Variants in ARHGEF18 observed in about 807,000 individuals in gnomAD.
ARHGEF18 encodes Rho/Rac guanine nucleotide exchange factor 18, also known as rho guanine nucleotide exchange factor 18.
In ARHGEF18, 93 loss-of-function variants were observed where a neutral mutation model predicts 155.7. The observed-to-expected ratio is 0.60, with a 90% confidence interval of 0.50 to 0.71. The LOEUF (loss-of-function observed/expected upper bound fraction) is 0.71, where lower values mean the gene tolerates loss of function less well. Ranked by LOEUF, ARHGEF18 falls within the 30% of genes least tolerant of loss-of-function variation. The pLI, the probability that ARHGEF18 is intolerant of heterozygous loss-of-function variation, is 0.00. For synonymous variants in ARHGEF18, 742 were observed against 753.1 expected, an observed-to-expected ratio of 0.99 and a Z score of 0.24; for missense variants, 1,593 against 1,816.1, an observed-to-expected ratio of 0.88 and a Z score of 2.23.
intron 1 of ARHGEF18, among the ~76,000 whole-genome samples, chr19:7,361,449 T>G (rs771101383): frequency 6.6e-6 from 1 of 151,944 alleles, no homozygotes; most frequent in Admixed American, 6.6e-5. Flanking sequence ...AAAAAGAGAC[T>G]GCATAACAGC....
At chr19:7,353,161 C>A (rs1426733413) in intron 1 of ARHGEF18, among the ~76,000 whole-genome samples, 1 of 151,660 alleles carries the variant, frequency 6.6e-6, no homozygotes, top group Non-Finnish European at 1.5e-5. Flanking sequence ...TTTCCAGGGC[C>A]GTGATTCTTC....
rs1388575030 is a variant in ARHGEF18, at chr19:7,470,748, A to G, written c.*450A>G. 7 of 400,852 alleles carry G rather than the reference A, an allele frequency of 1.7e-5. No homozygotes were observed. The highest frequency in any genetic ancestry group is 1.3e-4 in the Admixed American group (3 of 22,708). The allele number at this position is 400,852 out of a possible 1,614,324, so 24.8% of individuals were successfully genotyped here. A position where few individuals can be genotyped will look rare whatever the true frequency, so the allele number is the denominator to read the frequency against. On this transcript the variant is annotated 3_prime_UTR_variant, in exon 29 of 29. Coordinates refer to ENST00000668164, the MANE Select transcript of ARHGEF18 (RefSeq NM_001367823.1). This position sits in a 1 kb window ranked among gnomAD's most constrained non-coding sequence, Gnocchi z 5.9. ...CCACGCTCCACAGCCGCCGCGCGACAGTGGAGCCAAGGGTTAGGGCACCAG... is the reference window on the plus strand; with the variant it reads ...CCACGCTCCACAGCCGCCGCGCGACGGTGGAGCCAAGGGTTAGGGCACCAG...
intron 10 of ARHGEF18, among the ~76,000 whole-genome samples, chr19:7,430,897 T>C (rs116255807): frequency 0.02 from 3,083 of 152,022 alleles, 115 homozygotes; most frequent in African/African-American, 0.071. Flanking sequence ...ATGTTATACT[T>C]CATAACAAAA....
chr19:7,397,423 G>A (rs1319654920), intron 10 of ARHGEF18, among the ~76,000 whole-genome samples: 1 of 151,788 alleles, frequency 6.6e-6, no homozygotes, highest in Non-Finnish European at 1.5e-5. Flanking sequence ...GCGCTTCCAT[G>A]TCTGGCTAAT....
downstream of ARHGEF18, chr19:7,477,069 C>T (rs975656156): frequency 7.0e-6 from 6 of 853,300 alleles, no homozygotes; most frequent in Middle Eastern, 3.8e-4. Context: ...GCATCAGTCC[C>T]TCCACCCACC....
At chr19:7,366,820 T>C (rs1969907111) in intron 2 of ARHGEF18, among the ~76,000 whole-genome samples, 1 of 152,034 alleles carries the variant, frequency 6.6e-6, no homozygotes, top group East Asian at 1.9e-4. Flanking sequence ...TGGAGTGCAG[T>C]GGTGTGATCA....
chr19:7,456,137 C>A (rs1344563569), intron 17 of ARHGEF18, among the ~76,000 whole-genome samples, 190 bp from the exon 18 acceptor site: 1 of 152,124 alleles, frequency 6.6e-6, no homozygotes, highest in Non-Finnish European at 1.5e-5. Flanking sequence ...TCCGGCTGCT[C>A]GTTGGTGCTG....
intron 2 of ARHGEF18, 25 bp from the exon 3 acceptor site, chr19:7,372,787 C>T (rs1970264167): frequency 8.1e-7 from 1 of 1,234,466 alleles, no homozygotes; most frequent in African/African-American, 1.5e-5. Flanking sequence ...GTCTTCTTCT[C>T]CCTCCTCACC....
chr19:7,361,409 G>A (rs1240296463), intron 1 of ARHGEF18, among the ~76,000 whole-genome samples: 1 of 152,186 alleles, frequency 6.6e-6, no homozygotes, highest in Non-Finnish European at 1.5e-5. Context: ...CTGCACTCCA[G>A]CCTGGGCAAC....
At chr19:7,385,104 G>A (rs1347363577) in intron 10 of ARHGEF18, among the ~76,000 whole-genome samples, 2 of 152,230 alleles carry the variant, frequency 1.3e-5, no homozygotes, top group Non-Finnish European at 2.9e-5. Context: ...TGCAGGGGAT[G>A]AGCTGTGCTC....
intron 2 of ARHGEF18, among the ~76,000 whole-genome samples, chr19:7,363,232 A>G (rs180965469): frequency 7.2e-5 from 11 of 151,998 alleles, no homozygotes; most frequent in African/African-American, 2.7e-4. Flanking sequence ...GGATGGATGG[A>G]TGGATACGTG....
At chr19:7,477,388 C>T (rs1037409827), downstream of ARHGEF18, 16 of 1,544,938 alleles carry the variant, frequency 1.0e-5, no homozygotes, top group East Asian at 4.9e-5. Context: ...ACAGCGCCTC[C>T]GACTGCATCT....
At chr19:7,442,239 C>CT (rs1197707970) in intron 13 of ARHGEF18, among the ~76,000 whole-genome samples, 187 bp downstream of exon 13, 7 of 148,010 alleles carry the variant, frequency 4.7e-5, no homozygotes, top group African/African-American at 1.5e-4. Context: ...TTCTTTCTTT[C>CT]TTTTTTTTCT....
rs1490071255 is a variant in ARHGEF18, at chr19:7,459,927, C to T, written c.2385C>T (p.Pro795=). 6.3e-7 allele frequency: 1 copy of T among 1,585,786 alleles called. No individual in the cohort carries two copies. Among genetic ancestry groups the T allele is most frequent in the South Asian group, 1.2e-5 (1 of 86,722 alleles). Residue 795 remains proline, a synonymous_variant, in exon 20 of 29, where the codon CCC becomes CCT. Transcript: ENST00000668164. ...VESCPDEEEG[P]FSLPEEERKV... ...GCTGCCCTGACGAGGAGGAGGGGCCCTTCAGCCTGCCCGAAGAGGAAAGGA... is the reference window on the plus strand; with the variant it reads ...GCTGCCCTGACGAGGAGGAGGGGCCTTTCAGCCTGCCCGAAGAGGAAAGGA...
chr19:7,464,793 C>T (rs757318579), intron 23 of ARHGEF18, 103 bp downstream of exon 23: 352 of 1,437,284 alleles, frequency 2.4e-4, no homozygotes, highest in Non-Finnish European at 2.6e-4. Context: ...TTATTAGCAT[C>T]GACAAGCATT....
Position 7,463,425 on chromosome 19 carries a change from A to G in ARHGEF18, c.2636-393A>G, listed in dbSNP as rs1976411743. ...CACAAAGTCACTCTCCCATATGGCC[A>G]TTGTCACACAATCAGTGTATGGTCA... On this transcript the variant is annotated intron_variant, in intron 21 of 28. Transcript: ENST00000668164. The surrounding 1 kb of genome is among the most constrained non-coding windows in gnomAD (Gnocchi z 5.2). Among the ~76,000 whole-genome samples the G allele has an allele frequency of 6.6e-6, 1 of 152,134 alleles. No homozygotes were observed. The highest frequency in any genetic ancestry group is 2.1e-4 in the South Asian group (1 of 4,834).
rs1976967714 is a variant in ARHGEF18 at position 7,470,603 on chromosome 19, T to A, written c.*305T>A. The A allele has an allele frequency of 2.5e-6, 1 of 395,270 alleles. No individual in the cohort carries two copies. Among genetic ancestry groups the A allele is most frequent in the Non-Finnish European group, 4.4e-6 (1 of 224,758 alleles). 24.5% of individuals were successfully genotyped at this position (395,270 alleles called of 1,614,324 possible). ...AGCTGTCTGAAATCATAGCACCCCA[T>A]CCGGGTGGCGGGGAGATCAACTCCG... On this transcript the variant is annotated 3_prime_UTR_variant, in exon 29 of 29. Transcript: ENST00000668164. The surrounding 1 kb of genome is among the most constrained non-coding windows in gnomAD (Gnocchi z 5.9).
At chr19:7,368,973 G>A (rs571123338) in intron 2 of ARHGEF18, among the ~76,000 whole-genome samples, 1 of 152,174 alleles carries the variant, frequency 6.6e-6, no homozygotes, top group East Asian at 1.9e-4. Context: ...GAGGACGGTG[G>A]CCACAAAGGA....
intron 27 of ARHGEF18, 53 bp downstream of exon 27, chr19:7,469,184 T>C: frequency 6.7e-7 from 1 of 1,494,312 alleles, no homozygotes; most frequent in Non-Finnish European, 8.9e-7. Flanking sequence ...CTGGTCAGGC[T>C]CTAGCGGCTC....
Sources: gnomAD v4.1 joint callset for allele counts (sites outside exome capture counted in the v4.1 genomes callset) on GRCh38, gnomAD v4.1.1 for gene constraint, Gnocchi (gnomAD v3.1) non-coding constraint, MANE v1.5 for transcripts, NCBI Gene and HGNC (gene_info 2026-07-23, HGNC 2026-07-21) for gene names.